Variants in MYOC observed in about 807,000 individuals in gnomAD.
MYOC encodes the protein juvenile-onset open-angle glaucoma 1.
Under a neutral mutation model 28.2 loss-of-function variants are expected in MYOC, and 29 were observed. The observed-to-expected ratio is 1.03, with a 90% confidence interval of 0.77 to 1.40. MYOC has a LOEUF of 1.40. Among genes scored for constraint, MYOC ranks in the 40% most tolerant of loss-of-function variants. The pLI, the probability that MYOC is intolerant of heterozygous loss-of-function variation, is 0.00. For missense variants in MYOC, 569 were observed against 620.6 expected (o/e 0.92, Z 0.88); for synonymous variants, 240 against 245.6 (o/e 0.98, Z 0.21).
intron 1 of MYOC, among the ~76,000 whole-genome samples, chr1:171,647,268 G>A (rs1653227218): frequency 6.6e-6 from 1 of 152,214 alleles, no homozygotes; most frequent in Non-Finnish European, 1.5e-5. Context: ...GCTCATGCCT[G>A]TAATCCCAGC....
At chr1:171,644,350 G>A (rs1485223336) in intron 1 of MYOC, among the ~76,000 whole-genome samples, 4 of 151,724 alleles carry the variant, frequency 2.6e-5, no homozygotes, top group Admixed American at 2.0e-4. Flanking sequence ...ACAAAATGAT[G>A]TATTTTATGC....
At chr1:171,643,359 T>G (rs1016206774) in intron 1 of MYOC, 1 of 152,282 alleles carries the variant, frequency 6.6e-6, no homozygotes, top group African/African-American at 2.4e-5. Flanking sequence ...ACCGCCTTCC[T>G]GTACACAGGT....
chr1:171,640,026 G>C (rs951011456), intron 1 of MYOC, among the ~76,000 whole-genome samples: 1 of 150,098 alleles, frequency 6.7e-6, no homozygotes, highest in African/African-American at 2.5e-5. Flanking sequence ...AAGACAGGAG[G>C]AGTACTTGAG....
At chr1:171,643,160 G>A (rs1361510483) in intron 1 of MYOC, among the ~76,000 whole-genome samples, 5 of 152,128 alleles carry the variant, frequency 3.3e-5, no homozygotes, top group African/African-American at 9.7e-5. Flanking sequence ...TCCAGGGCAG[G>A]GACTGATTCA....
At chr1:171,640,406 G>C (rs1315818073) in intron 1 of MYOC, among the ~76,000 whole-genome samples, 1 of 152,052 alleles carries the variant, frequency 6.6e-6, no homozygotes, top group Non-Finnish European at 1.5e-5. Flanking sequence ...ACAAGGATGA[G>C]GCAATAGTCA....
In MYOC at chr1:171,636,525, G is replaced by A. The variant is rs756397695; in HGVS notation, c.915C>T (p.Ser305=). 6 of 1,609,518 alleles carry A rather than the reference G, an allele frequency of 3.7e-6. No individual in the cohort carries two copies. The highest frequency in any genetic ancestry group is 1.6e-4 in the Middle Eastern group (1 of 6,062). The change falls in exon 3 of 3, where the codon AGC becomes AGT. Residue 305 remains serine (S), a synonymous_variant. Coordinates refer to ENST00000037502, the MANE Select transcript of MYOC (RefSeq NM_000261.2). ...TAGAAGGGTAGCCCTGCATAAACTGGCTGATGAGGTCATACTCAAAAACCT... is the reference window on the plus strand; with the variant it reads ...TAGAAGGGTAGCCCTGCATAAACTGACTGATGAGGTCATACTCAAAAACCT... The part of the protein sequence containing the change: ...VRQVFEYDLI[S]QFMQGYPSKV...
At chr1:171,637,115 T>C (rs1372690347) in intron 2 of MYOC, among the ~76,000 whole-genome samples, 1 of 152,154 alleles carries the variant, frequency 6.6e-6, no homozygotes, top group Non-Finnish European at 1.5e-5. Context: ...TAAAGTACAA[T>C]TCACTCAGTA....
intron 1 of MYOC, among the ~76,000 whole-genome samples, chr1:171,649,682 C>G (rs907161445): frequency 1.3e-5 from 2 of 152,162 alleles, no homozygotes; most frequent in African/African-American, 4.8e-5. Context: ...ATAATCCCAG[C>G]TACTCAGGAG....
chr1:171,644,297 T>C, intron 1 of MYOC, among the ~76,000 whole-genome samples: 1 of 151,932 alleles, frequency 6.6e-6, no homozygotes, highest in Non-Finnish European at 1.5e-5. Context: ...AATATTAAAT[T>C]CAGGCGAGCC....
At chr1:171,649,365 T>C (rs185597368) in intron 1 of MYOC, among the ~76,000 whole-genome samples, 28 of 152,290 alleles carry the variant, frequency 1.8e-4, no homozygotes, top group Admixed American at 1.7e-3. Flanking sequence ...AGACTTATAT[T>C]CCAGCCTCCA....
chr1:171,651,350 C>CACA (rs1558090123), intron 1 of MYOC, among the ~76,000 whole-genome samples: 9 of 146,752 alleles, frequency 6.1e-5, no homozygotes, highest in African/African-American at 1.8e-4. Flanking sequence ...CGCACCCCCC[C>CACA]CACACACACA....
chr1:171,646,877 T>C (rs966067318), intron 1 of MYOC, among the ~76,000 whole-genome samples: 4 of 152,200 alleles, frequency 2.6e-5, no homozygotes, highest in African/African-American at 7.2e-5. Flanking sequence ...ATTCTGGAAA[T>C]GTTCTGTGTT....
At chr1:171,650,779 A>G (rs1653334224) in intron 1 of MYOC, among the ~76,000 whole-genome samples, 1 of 152,182 alleles carries the variant, frequency 6.6e-6, no homozygotes, top group Admixed American at 6.6e-5. Context: ...GTAATTCACC[A>G]GTTATTAATA....
At chr1:171,639,351 G>A (rs149423847) in intron 1 of MYOC, among the ~76,000 whole-genome samples, 8 of 152,262 alleles carry the variant, frequency 5.3e-5, no homozygotes, top group Admixed American at 5.2e-4. Flanking sequence ...CTACCTTAGA[G>A]TAGGGTATTC....
Position 171,636,693 on chromosome 1 carries a change from A to G in MYOC, c.747T>C (p.Val249=). 6.2e-7 allele frequency: 1 copy of G among 1,602,304 alleles called. No homozygotes were observed. The highest frequency in any genetic ancestry group is 8.5e-7 in the Non-Finnish European group (1 of 1,179,952). The change falls in exon 3 of 3, where the codon GTT becomes GTC. Residue 249 remains valine (V), a synonymous_variant. Transcript: ENST00000037502. ...TCAGCGTGAGAGGCTCTCCTACCCA[A>G]ACTAGTTCTCCACATCCTGGTAAAT... is the stretch of plus-strand genomic sequence containing the variant. The part of the protein sequence containing the change: ...GEGDTGCGEL[V]WVGEPLTLRT...
rs540578493 is a variant in MYOC at position 171,638,634 on chromosome 1, G to T, written c.693C>A (p.Ser231Arg). 6.2e-6 allele frequency: 10 copies of T among 1,614,128 alleles called. No homozygotes were observed. In the South Asian group the frequency reaches 8.8e-5, roughly 14 times the overall value. Residue 231 changes from serine to arginine, a missense_variant, in exon 2 of 3, where the codon AGC becomes AGA. By Grantham distance (110) the Ser-to-Arg change is moderately radical (BLOSUM62 -1). Coordinates refer to ENST00000037502, the MANE Select transcript of MYOC (RefSeq NM_000261.2). ...EVPASRILKE[S>R]PSGYLRSGEG... ...CTCCACTCCTGAGATAGCCAGATGG[G>T]CTCTCCTTCAAAATTCGGGAAGCAG... is the stretch of plus-strand genomic sequence containing the variant.
At chr1:171,649,085 T>A (rs1372006357) in intron 1 of MYOC, among the ~76,000 whole-genome samples, 2 of 151,858 alleles carry the variant, frequency 1.3e-5, no homozygotes, top group Non-Finnish European at 2.9e-5. Flanking sequence ...GAAGAAAAAG[T>A]TATATATAAC....
At chr1:171,643,232 C>T (rs1653119460) in intron 1 of MYOC, among the ~76,000 whole-genome samples, 1 of 152,190 alleles carries the variant, frequency 6.6e-6, no homozygotes, top group South Asian at 2.1e-4. Flanking sequence ...TCCCTTCTCC[C>T]CCTGTGCAGG....
chr1:171,644,331 T>A (rs1199196605), intron 1 of MYOC, among the ~76,000 whole-genome samples: 1 of 152,010 alleles, frequency 6.6e-6, no homozygotes, highest in African/African-American at 2.4e-5. Flanking sequence ...ATCTGGCCCC[T>A]TTACACATAC....
Sources: gnomAD v4.1 joint callset for allele counts (sites outside exome capture counted in the v4.1 genomes callset) on GRCh38, gnomAD v4.1.1 for gene constraint, MANE v1.5 for transcripts, NCBI Gene and HGNC (gene_info 2026-07-23, HGNC 2026-07-21) for gene names.